TPD52: variants seen among roughly 807,000 people sequenced by gnomAD.
TPD52 encodes tumor protein D52, also known as prostate and colon associated protein.
In TPD52, 17 loss-of-function variants were observed where a neutral mutation model predicts 31.3. The ratio of observed to expected loss-of-function variants is 0.54; its 90% CI spans 0.37 to 0.82. The LOEUF is 0.82. TPD52 is among the 40% of genes least tolerant of loss of function. TPD52 has a pLI of 0.00. For synonymous variants in TPD52, 83 were observed against 89.6 expected, an observed-to-expected ratio of 0.93 and a Z score of 0.42; for missense variants, 212 against 240.1, an observed-to-expected ratio of 0.88 and a Z score of 0.77.
chr8:80,126,329 T>C (rs546449728), intron 1 of TPD52, among the ~76,000 whole-genome samples: 2 of 152,070 alleles, frequency 1.3e-5, no homozygotes, highest in East Asian at 3.9e-4. Flanking sequence ...TTTGCTTTTT[T>C]ATTTTTCTTT....
chr8:80,106,080 A>AT (rs145980235), intron 1 of TPD52, among the ~76,000 whole-genome samples: 9 of 151,598 alleles, frequency 5.9e-5, no homozygotes, highest in East Asian at 1.9e-4. Flanking sequence ...TTTTTTTCCT[A>AT]TTTTTTTGTG....
chr8:80,161,968 A>G (rs1811395172), intron 1 of TPD52, among the ~76,000 whole-genome samples: 1 of 152,066 alleles, frequency 6.6e-6, no homozygotes, highest in Non-Finnish European at 1.5e-5. Context: ...ACCCCAAGTG[A>G]TCCGCCCACT....
intron 1 of TPD52, among the ~76,000 whole-genome samples, chr8:80,091,887 G>A (rs1322389814): frequency 1.3e-5 from 2 of 152,222 alleles, no homozygotes; most frequent in Non-Finnish European, 2.9e-5. Flanking sequence ...TTAGATAACA[G>A]CTGCTAAGTT....
At chr8:80,150,651 T>A (rs1402818698) in intron 1 of TPD52, among the ~76,000 whole-genome samples, 1 of 152,180 alleles carries the variant, frequency 6.6e-6, no homozygotes, top group Admixed American at 6.5e-5. Flanking sequence ...GAGATCATTT[T>A]GTAGCTTTAA....
At chr8:80,053,945 T>C (rs1022548095) in intron 2 of TPD52, among the ~76,000 whole-genome samples, 1 of 152,216 alleles carries the variant, frequency 6.6e-6, no homozygotes, top group African/African-American at 2.4e-5. Flanking sequence ...ATATACTGGA[T>C]ACATATACTC....
chr8:80,053,062 A>C, intron 3 of TPD52: 1 of 423,336 alleles, frequency 2.4e-6, no homozygotes, highest in Non-Finnish European at 4.2e-6. Context: ...TATTTCTCCA[A>C]CTGGCTAGCT....
intron 1 of TPD52, among the ~76,000 whole-genome samples, chr8:80,155,958 G>GT (rs1810942623): frequency 6.6e-6 from 1 of 152,220 alleles, no homozygotes; most frequent in African/African-American, 2.4e-5. Context: ...TGATGCATTT[G>GT]TTTGGGGGGT....
chr8:80,128,186 C>A (rs1808764587), intron 1 of TPD52, among the ~76,000 whole-genome samples: 1 of 151,778 alleles, frequency 6.6e-6, no homozygotes, highest in African/African-American at 2.4e-5. Context: ...GAAATCTGTT[C>A]ATTTTGTATA....
intron 1 of TPD52, among the ~76,000 whole-genome samples, chr8:80,083,549 T>C (rs1244917612): frequency 6.6e-6 from 1 of 152,154 alleles, no homozygotes; most frequent in South Asian, 2.1e-4. Context: ...GATGGTTTTA[T>C]AAGGAGCTTC....
chr8:80,163,789 A>C (rs533169294), intron 1 of TPD52, among the ~76,000 whole-genome samples: 74 of 152,288 alleles, frequency 4.9e-4, no homozygotes, highest in African/African-American at 1.7e-3. Flanking sequence ...TGGAATGTAA[A>C]CCTACTCCAG....
At chr8:80,169,891 C>T (rs1811961882) in intron 1 of TPD52, among the ~76,000 whole-genome samples, 1 of 151,876 alleles carries the variant, frequency 6.6e-6, no homozygotes, top group Non-Finnish European at 1.5e-5. Context: ...CTCAGGACAA[C>T]CAAAGATGAA....
intron 1 of TPD52, among the ~76,000 whole-genome samples, chr8:80,160,135 G>A (rs980564656): frequency 2.6e-5 from 4 of 151,966 alleles, no homozygotes; most frequent in African/African-American, 9.7e-5. Context: ...GGGCTGCAGT[G>A]AGCCATGATT....
At chr8:80,050,368 G>A (rs1811240402) in intron 5 of TPD52, 77 bp downstream of exon 5, 11 of 1,411,750 alleles carry the variant, frequency 7.8e-6, no homozygotes, top group Admixed American at 4.4e-5. Flanking sequence ...ATCATCCAAC[G>A]TAGCATGGTA....
At position 80,035,467 on chromosome 8, in the gene TPD52, G is replaced by A. The variant is rs1809837267; in HGVS notation, c.*2649C>T. 1 of 152,182 alleles carries A rather than the reference G, an allele frequency of 6.6e-6. No homozygotes were observed. Among genetic ancestry groups the A allele is most frequent in the African/African-American group, 2.4e-5 (1 of 41,446 alleles). The allele number at this position is 152,182 out of a possible 1,614,324, so 9.4% of individuals were successfully genotyped here. The stretch of plus-strand genomic sequence containing the variant: ...TGGAGAGAAGTTGCATAATGGACTT[G>A]CCCCTTTCCTCAATGGGCAGGTAAT... On this transcript the variant is annotated 3_prime_UTR_variant, in exon 8 of 8. Transcript: ENST00000518937.
chr8:80,077,390 G>A (rs1814702420), intron 1 of TPD52, among the ~76,000 whole-genome samples: 1 of 152,140 alleles, frequency 6.6e-6, no homozygotes, highest in African/African-American at 2.4e-5. Context: ...AAAGACCCCA[G>A]CTGTGAGACC....
At chr8:80,129,127 A>G (rs149343491) in intron 1 of TPD52, among the ~76,000 whole-genome samples, 2,351 of 152,210 alleles carry the variant, frequency 0.015, 36 homozygotes, top group South Asian at 0.05. Context: ...CTCATCTCCT[A>G]TATATTAGAT....
At chr8:80,131,016 G>A (rs1341400113) in intron 1 of TPD52, among the ~76,000 whole-genome samples, 1 of 152,154 alleles carries the variant, frequency 6.6e-6, no homozygotes, top group African/African-American at 2.4e-5. Flanking sequence ...TTTTCACACA[G>A]TGTCTTCCGT....
intron 1 of TPD52, among the ~76,000 whole-genome samples, chr8:80,077,034 T>G (rs1814638934): frequency 1.3e-5 from 2 of 150,724 alleles, no homozygotes; most frequent in Non-Finnish European, 1.5e-5. Context: ...CCCAGCACTT[T>G]GGGAGGCCGA....
chr8:80,150,363 G>T (rs890059601), intron 1 of TPD52, among the ~76,000 whole-genome samples: 1 of 152,126 alleles, frequency 6.6e-6, no homozygotes, highest in Admixed American at 6.5e-5. Flanking sequence ...CTCTGCTAGG[G>T]CAGTGCAGGA....
Sources: gnomAD v4.1 joint callset for allele counts (sites outside exome capture counted in the v4.1 genomes callset) on GRCh38, gnomAD v4.1.1 for gene constraint, MANE v1.5 for transcripts, NCBI Gene and HGNC (gene_info 2026-07-23, HGNC 2026-07-21) for gene names.